Variants in CAMTA1 observed in about 807,000 individuals in gnomAD.
The protein encoded by CAMTA1 is calmodulin-binding transcription activator 1.
CAMTA1 carries 27 observed loss-of-function variants against 170.9 expected under a neutral mutation model. The observed-to-expected ratio is 0.16, with a 90% CI of 0.12 to 0.22. CAMTA1 has a LOEUF of 0.22. CAMTA1 is among the 10% of genes least tolerant of loss of function. The pLI is 1.00. For synonymous variants in CAMTA1, 833 were observed against 891.5 expected (o/e 0.93, Z 1.17); for missense variants, 1,619 against 2,217.2 (o/e 0.73, Z 5.42).
At chr1:7,123,125 GTT>G (rs1261223326) in intron 4 of CAMTA1, among the ~76,000 whole-genome samples, 1 of 152,160 alleles carries the variant, frequency 6.6e-6, no homozygotes, top group Non-Finnish European at 1.5e-5. Context: ...GACCTGACAA[GTT>G]TCCACATCTG....
intron 1 of CAMTA1, among the ~76,000 whole-genome samples, chr1:6,795,436 C>T (rs950913135): frequency 7.9e-5 from 12 of 151,960 alleles, no homozygotes; most frequent in South Asian, 2.1e-4. Flanking sequence ...TCAAGCAGTC[C>T]GTCTGCCTCA....
chr1:6,962,085 T>C (rs908422815), intron 3 of CAMTA1, among the ~76,000 whole-genome samples: 17 of 152,130 alleles, frequency 1.1e-4, no homozygotes, highest in African/African-American at 4.1e-4. Context: ...CGCAAGAGCC[T>C]GGAGCCTGCT....
intron 5 of CAMTA1, among the ~76,000 whole-genome samples, chr1:7,404,444 G>A (rs2090142216): frequency 6.6e-6 from 1 of 152,256 alleles, no homozygotes; most frequent in African/African-American, 2.4e-5. Flanking sequence ...GAGAAGGTGA[G>A]CCCCTTTGGG....
chr1:7,622,011 G>A (rs916884132), intron 6 of CAMTA1, among the ~76,000 whole-genome samples: 1 of 152,238 alleles, frequency 6.6e-6, no homozygotes, highest in African/African-American at 2.4e-5. Flanking sequence ...ACAACTGTCA[G>A]ATCGGGAGTT....
chr1:7,332,077 C>T (rs2083069112), intron 5 of CAMTA1, among the ~76,000 whole-genome samples: 1 of 152,192 alleles, frequency 6.6e-6, no homozygotes, highest in African/African-American at 2.4e-5. Context: ...TCATGCTTCA[C>T]AGTTGATGTT....
intron 3 of CAMTA1, among the ~76,000 whole-genome samples, chr1:6,927,281 C>T (rs2898917): frequency 0.073 from 11,043 of 152,144 alleles, 788 homozygotes; most frequent in Admixed American, 0.25. Context: ...CAATCGACCA[C>T]GTCAGCCTCC....
chr1:7,013,202 C>CCTT (rs200374185), intron 3 of CAMTA1, among the ~76,000 whole-genome samples: 1,265 of 111,098 alleles, frequency 0.011, 47 homozygotes, highest in African/African-American at 0.044. Flanking sequence ...CTGCCTTTGC[C>CCTT]CTTCTTCTTT....
intron 3 of CAMTA1, among the ~76,000 whole-genome samples, chr1:7,077,637 A>C (rs1053755445): frequency 6.6e-6 from 1 of 151,582 alleles, no homozygotes; most frequent in East Asian, 1.9e-4. Context: ...TGGATGTGTT[A>C]ATTTTAAGAT....
intron 3 of CAMTA1, among the ~76,000 whole-genome samples, chr1:6,854,424 A>G (rs779388174): frequency 3.9e-4 from 60 of 152,206 alleles, no homozygotes; most frequent in Non-Finnish European, 6.0e-4. Flanking sequence ...TTGTGTAAGT[A>G]CATTGTCATC....
At chr1:7,019,735 GC>G (rs915720659) in intron 3 of CAMTA1, among the ~76,000 whole-genome samples, 1 of 152,234 alleles carries the variant, frequency 6.6e-6, no homozygotes, top group Non-Finnish European at 1.5e-5. Flanking sequence ...CACACTGTGA[GC>G]CTTTTGACCT....
At chr1:7,597,205 C>G (rs2095407013) in intron 6 of CAMTA1, among the ~76,000 whole-genome samples, 1 of 152,202 alleles carries the variant, frequency 6.6e-6, no homozygotes, top group Admixed American at 6.5e-5. Flanking sequence ...CTACTAGCTG[C>G]ACATGACCTT....
chr1:7,000,256 G>A (rs1205696390), intron 3 of CAMTA1, among the ~76,000 whole-genome samples: 3 of 152,228 alleles, frequency 2.0e-5, no homozygotes, highest in African/African-American at 4.8e-5. Context: ...AGCCCCCTGC[G>A]TGGGGAGGAC....
intron 3 of CAMTA1, among the ~76,000 whole-genome samples, chr1:6,982,090 A>G (rs769187941): frequency 6.6e-6 from 1 of 152,184 alleles, no homozygotes; most frequent in African/African-American, 2.4e-5. Context: ...GTTTTTAAAG[A>G]AACATTTGGA....
intron 3 of CAMTA1, among the ~76,000 whole-genome samples, chr1:6,868,401 T>C (rs998281132): frequency 1.6e-4 from 25 of 152,104 alleles, no homozygotes; most frequent in African/African-American, 5.8e-4. Context: ...TTTATTTTAA[T>C]GGGTTTCTTC....
chr1:7,354,401 G>A (rs763828285), intron 5 of CAMTA1, among the ~76,000 whole-genome samples: 10 of 150,762 alleles, frequency 6.6e-5, no homozygotes, highest in Non-Finnish European at 1.2e-4. Flanking sequence ...CGCCCGCCTC[G>A]GCCTCCCAAA....
In CAMTA1 at chr1:7,113,057, G is replaced by C. The variant is rs188175447; in HGVS notation, c.302+21686G>C. On this transcript the variant is annotated intron_variant, in intron 4 of 22. Coordinates refer to ENST00000303635, the MANE Select transcript of CAMTA1 (RefSeq NM_015215.4). The surrounding 1 kb of genome is among the most constrained non-coding windows in gnomAD (Gnocchi z 4.5). Reference sequence around the variant, plus strand: ...TCCATCTCTTCCGGCCTTTGCATGTGGGGCTCTCAGTTTACCCTCAGAAAG... The same window carrying C: ...TCCATCTCTTCCGGCCTTTGCATGTCGGGCTCTCAGTTTACCCTCAGAAAG... Among the ~76,000 whole-genome samples, 2 of 152,302 alleles carry C rather than the reference G, an allele frequency of 1.3e-5. No homozygotes were observed. Among genetic ancestry groups the C allele is most frequent in the Admixed American group, 1.3e-4 (2 of 15,296 alleles).
At chr1:7,550,494 C>T (rs913914491) in intron 6 of CAMTA1, among the ~76,000 whole-genome samples, 1 of 151,706 alleles carries the variant, frequency 6.6e-6, no homozygotes, top group East Asian at 1.9e-4. Flanking sequence ...CCACCTGGGC[C>T]CCTCCCATAT....
chr1:7,064,130 C>A lies in CAMTA1; in HGVS notation c.235-27174C>A, dbSNP rs892706672. Among the ~76,000 whole-genome samples, 3 of 151,252 alleles carry A rather than the reference C, an allele frequency of 2.0e-5. No individual in the cohort carries two copies. The highest frequency in any genetic ancestry group is 7.3e-5 in the African/African-American group (3 of 41,128). On this transcript the variant is annotated intron_variant, in intron 3 of 22. Coordinates refer to ENST00000303635, the MANE Select transcript of CAMTA1 (RefSeq NM_015215.4). The surrounding 1 kb of genome is among the most constrained non-coding windows in gnomAD (Gnocchi z 5.4). ...TCCTTCCCTCCTCCTCCTTCTTCTTCTCCTCCTCCTCCTTCTCTTCTTCCC... is the reference window on the plus strand; with the variant it reads ...TCCTTCCCTCCTCCTCCTTCTTCTTATCCTCCTCCTCCTTCTCTTCTTCCC...
intron 4 of CAMTA1, among the ~76,000 whole-genome samples, chr1:7,132,061 AC>A (rs1431272137): frequency 5.3e-5 from 8 of 151,954 alleles, no homozygotes; most frequent in African/African-American, 1.9e-4. Flanking sequence ...ACACACACAC[AC>A]ACACACACAC....
Sources: allele counts gnomAD v4.1 joint callset (sites outside exome capture counted in the v4.1 genomes callset), GRCh38; gene constraint gnomAD v4.1.1; non-coding constraint Gnocchi (gnomAD v3.1); transcripts MANE v1.5; gene names NCBI Gene and HGNC (gene_info 2026-07-23, HGNC 2026-07-21).